STPG2: variants seen among roughly 807,000 people sequenced by gnomAD.
The protein encoded by STPG2 is sperm-tail PG-rich repeat-containing protein 2.
STPG2 carries 56 observed loss-of-function variants against 54.2 expected under a neutral mutation model. The observed-to-expected ratio is 1.03, with a 90% CI of 0.83 to 1.29. The LOEUF is 1.29. Among genes scored for constraint, STPG2 ranks in the 50% most tolerant of loss-of-function variants. The pLI, the probability that STPG2 is intolerant of heterozygous loss-of-function variation, is 0.00. For missense variants in STPG2, 596 were observed against 544.9 expected (o/e 1.09, Z -0.93); for synonymous variants, 200 against 181.8 (o/e 1.10, Z -0.81).
intron 4 of STPG2, among the ~76,000 whole-genome samples, chr4:97,506,938 C>G (rs1730856569): frequency 6.6e-6 from 1 of 151,858 alleles, no homozygotes; most frequent in Non-Finnish European, 1.5e-5. Flanking sequence ...AATATATTGT[C>G]ATAATATAAT....
chr4:97,922,242 A>G (rs1368421718), intron 8 of STPG2, among the ~76,000 whole-genome samples: 2 of 152,202 alleles, frequency 1.3e-5, no homozygotes, highest in East Asian at 3.8e-4. Context: ...ACATACATCA[A>G]AACATCACAT....
intron 5 of STPG2, among the ~76,000 whole-genome samples, chr4:98,005,304 C>A (rs186957812): frequency 9.6e-4 from 146 of 152,224 alleles, no homozygotes; most frequent in African/African-American, 3.4e-3. Flanking sequence ...TTTGGCAACA[C>A]CCTCACAGAC....
chr4:97,709,597 T>A (rs999068412), intron 10 of STPG2, among the ~76,000 whole-genome samples: 5 of 151,758 alleles, frequency 3.3e-5, no homozygotes, highest in Admixed American at 2.0e-4. Context: ...TTTATGACAT[T>A]AAATTCATTG....
At chr4:98,040,671 C>G (rs1463038915) in intron 5 of STPG2, among the ~76,000 whole-genome samples, 1 of 151,868 alleles carries the variant, frequency 6.6e-6, no homozygotes, top group East Asian at 1.9e-4. Context: ...TTCCATTGAT[C>G]TATGTGTCTA....
At chr4:97,638,016 A>C (rs1721618101) in intron 10 of STPG2, among the ~76,000 whole-genome samples, 1 of 152,052 alleles carries the variant, frequency 6.6e-6, no homozygotes, top group Non-Finnish European at 1.5e-5. Context: ...ATGGAACCAA[A>C]AAAGAGCCCG....
At chr4:97,710,480 A>G (rs552544264) in intron 10 of STPG2, among the ~76,000 whole-genome samples, 7 of 152,238 alleles carry the variant, frequency 4.6e-5, no homozygotes, top group Middle Eastern at 3.4e-3. Context: ...CTTTGTGGAC[A>G]TAAGACATTA....
intron 6 of STPG2, among the ~76,000 whole-genome samples, chr4:97,973,393 T>C (rs1734399587): frequency 6.6e-6 from 1 of 152,152 alleles, no homozygotes; most frequent in Admixed American, 6.6e-5. Flanking sequence ...AGATGTGACT[T>C]GGGTGCTGTT....
intron 9 of STPG2, among the ~76,000 whole-genome samples, chr4:97,747,019 A>G (rs1725438109): frequency 6.6e-6 from 1 of 151,198 alleles, no homozygotes; most frequent in Non-Finnish European, 1.5e-5. Context: ...ATACAAAAAA[A>G]AAAAAAATCT....
intron 4 of STPG2, among the ~76,000 whole-genome samples, chr4:97,541,211 C>G (rs927758712): frequency 6.6e-6 from 1 of 152,000 alleles, no homozygotes; most frequent in Non-Finnish European, 1.5e-5. Flanking sequence ...GATTGTATAT[C>G]TAGAAAACCC....
At chr4:98,087,450 C>G (rs2110122581) in intron 5 of STPG2, among the ~76,000 whole-genome samples, 1 of 152,200 alleles carries the variant, frequency 6.6e-6, no homozygotes, top group South Asian at 2.1e-4. Flanking sequence ...TACACGTTTT[C>G]TACTTCTACT....
At chr4:97,528,397 T>C (rs1012990548) in intron 4 of STPG2, among the ~76,000 whole-genome samples, 5 of 152,190 alleles carry the variant, frequency 3.3e-5, no homozygotes, top group Admixed American at 2.0e-4. Flanking sequence ...GTTTTGGTTA[T>C]TGTAGCTTTG....
intron 2 of STPG2, among the ~76,000 whole-genome samples, chr4:98,133,616 A>C (rs1202549033): frequency 6.6e-6 from 1 of 152,080 alleles, no homozygotes; most frequent in Non-Finnish European, 1.5e-5. Flanking sequence ...TAACAAGTTG[A>C]ACAAAAAGTA....
At chr4:98,121,143 T>G (rs1739668351) in intron 3 of STPG2, among the ~76,000 whole-genome samples, 1 of 152,222 alleles carries the variant, frequency 6.6e-6, no homozygotes, top group Admixed American at 6.5e-5. Flanking sequence ...CCAGCACAAT[T>G]TATTAAATAG....
At chr4:97,616,794 TTTC>T (rs1482614823) in intron 10 of STPG2, among the ~76,000 whole-genome samples, 1 of 152,124 alleles carries the variant, frequency 6.6e-6, no homozygotes, top group African/African-American at 2.4e-5. Context: ...TAGTGAATTA[TTTC>T]TTAACAAAAT....
At chr4:97,765,937 G>C (rs1726034150) in intron 9 of STPG2, among the ~76,000 whole-genome samples, 1 of 152,012 alleles carries the variant, frequency 6.6e-6, no homozygotes, top group Non-Finnish European at 1.5e-5. Context: ...CCCAATTACT[G>C]GAAGCTTTAG....
At chr4:97,799,813 G>T (rs536577458) in intron 9 of STPG2, among the ~76,000 whole-genome samples, 178 of 152,264 alleles carry the variant, frequency 1.2e-3, no homozygotes, top group Non-Finnish European at 2.0e-3. Flanking sequence ...GTCACTTTCA[G>T]GTACACCAGT....
chr4:97,898,874 G>C (rs1473623796), intron 8 of STPG2, among the ~76,000 whole-genome samples: 3 of 151,594 alleles, frequency 2.0e-5, no homozygotes, highest in South Asian at 2.1e-4. Context: ...ATTATTATTT[G>C]TATAATGAAA....
At chr4:97,675,266 G>C (rs1171244093) in intron 10 of STPG2, among the ~76,000 whole-genome samples, 1 of 152,100 alleles carries the variant, frequency 6.6e-6, no homozygotes, top group Non-Finnish European at 1.5e-5. Flanking sequence ...GCCTCCCAAA[G>C]TGCTGGGATT....
intron 4 of STPG2, among the ~76,000 whole-genome samples, chr4:97,494,214 A>G (rs1490348983): frequency 6.6e-6 from 1 of 151,636 alleles, no homozygotes; most frequent in Non-Finnish European, 1.5e-5. Context: ...CTGGAGAGAT[A>G]CAGACATTTT....
Sources: allele counts gnomAD v4.1 joint callset (sites outside exome capture counted in the v4.1 genomes callset), GRCh38; gene constraint gnomAD v4.1.1; transcripts MANE v1.5; gene names NCBI Gene and HGNC (gene_info 2026-07-23, HGNC 2026-07-21).